PTPRQ: variants seen among roughly 807,000 people sequenced by gnomAD.
PTPRQ encodes the protein protein tyrosine phosphatase receptor type Q, also known as phosphatidylinositol phosphatase PTPRQ.
In PTPRQ, 199 loss-of-function variants were observed where a neutral mutation model predicts 246.0. That is an observed-to-expected ratio of 0.81 (90% CI 0.72 to 0.91). The LOEUF (loss-of-function observed/expected upper bound fraction) is 0.91. Among genes scored for constraint, PTPRQ ranks in the 40% least tolerant of loss-of-function variants. The probability of loss-of-function intolerance (pLI) is 0.00; values close to 1 mark genes in which losing one functional copy is unlikely to be tolerated. For synonymous variants in PTPRQ, 869 were observed against 853.2 expected (o/e 1.02, Z -0.32); for missense variants, 2,624 against 2,528.4 (o/e 1.04, Z -0.81).
intron 8 of PTPRQ, among the ~76,000 whole-genome samples, chr12:80,483,915 C>T (rs900565108): frequency 8.5e-5 from 13 of 152,102 alleles, no homozygotes; most frequent in African/African-American, 3.1e-4. Context: ...GACATGACCT[C>T]ATCCTTTTTT....
In PTPRQ at chr12:80,493,277, T is replaced by C. The variant is rs1265042164; in HGVS notation, c.1362T>C (p.Tyr454=). ...ENTLLTGNNE[Y]INDPMAPEIV... is the part of the protein sequence containing the mutation. ...AAAATATCTACTTTTAATTACAGTA[T>C]ATAAATGACCCCATGGCTCCAGAAA... The change falls in exon 10 of 45, where the codon TAT becomes TAC. Residue 454 remains tyrosine (Y), a splice_region_variant and synonymous_variant. Coordinates refer to ENST00000644991, the MANE Select transcript of PTPRQ (RefSeq NM_001145026.2). The C allele has an allele frequency of 3.9e-6, 6 of 1,520,692 alleles. No homozygotes were observed. In the South Asian group the frequency reaches 7.7e-5, roughly 20 times the overall value. The allele number at this position is 1,520,692 out of a possible 1,614,324, so 94.2% of individuals were successfully genotyped here.
chr12:80,522,491 C>T (rs1895531176), intron 17 of PTPRQ, among the ~76,000 whole-genome samples: 1 of 152,016 alleles, frequency 6.6e-6, no homozygotes, highest in Admixed American at 6.6e-5. Flanking sequence ...ATGATATTGG[C>T]TGTGGGTTTG....
chr12:80,642,056 T>A (rs1899882797), intron 35 of PTPRQ, among the ~76,000 whole-genome samples: 1 of 152,114 alleles, frequency 6.6e-6, no homozygotes, highest in Admixed American at 6.5e-5. Flanking sequence ...CAGTGACTAG[T>A]ACCCTGCTCA....
At chr12:80,514,398 A>ACTCTCTCTCT (rs775868345) in intron 17 of PTPRQ, among the ~76,000 whole-genome samples, 1 of 42,270 alleles carries the variant, frequency 2.4e-5, no homozygotes, top group Admixed American at 2.9e-4. Flanking sequence ...ACACACACAC[A>ACTCTCTCTCT]CACACTCTCT....
chr12:80,575,574 C>A (rs576360509), intron 25 of PTPRQ, among the ~76,000 whole-genome samples: 3 of 151,898 alleles, frequency 2.0e-5, no homozygotes, highest in South Asian at 4.2e-4. Context: ...AAAATGGCAC[C>A]CTCATCCCTG....
chr12:80,608,976 A>G (rs947048949), intron 27 of PTPRQ, among the ~76,000 whole-genome samples: 3 of 150,814 alleles, frequency 2.0e-5, no homozygotes, highest in South Asian at 2.1e-4. Flanking sequence ...ATTTTCTGCC[A>G]GTGGCATATA....
chr12:80,475,128 C>G (rs2120558891), intron 8 of PTPRQ, among the ~76,000 whole-genome samples: 2 of 152,136 alleles, frequency 1.3e-5, no homozygotes, highest in African/African-American at 4.8e-5. Context: ...CATTTCTTCT[C>G]ATAGTTTTTC....
At chr12:80,487,541 A>G (rs1302726408) in intron 9 of PTPRQ, among the ~76,000 whole-genome samples, 1 of 152,120 alleles carries the variant, frequency 6.6e-6, no homozygotes, top group Non-Finnish European at 1.5e-5. Flanking sequence ...GTGAGCATTT[A>G]TGGCATTGAT....
At chr12:80,457,163 G>A (rs1710850791) in intron 3 of PTPRQ, among the ~76,000 whole-genome samples, 1 of 151,800 alleles carries the variant, frequency 6.6e-6, no homozygotes, top group Non-Finnish European at 1.5e-5. Context: ...TTGAGTATTT[G>A]TTTGCCTGAT....
At chr12:80,542,027 A>G (rs1896169183) in intron 21 of PTPRQ, 62 bp from the exon 22 acceptor site, 1 of 1,505,610 alleles carries the variant, frequency 6.6e-7, no homozygotes, top group Non-Finnish European at 8.8e-7. Flanking sequence ...TTATGATTGA[A>G]TCCTCTTTTT....
At position 80,534,035 on chromosome 12, in the gene PTPRQ, C is replaced by G; in HGVS notation, c.2699C>G (p.Thr900Ser). 1 of 1,509,782 alleles carries G rather than the reference C, an allele frequency of 6.6e-7. No individual in the cohort carries two copies. The highest frequency in any genetic ancestry group is 8.9e-7 in the Non-Finnish European group (1 of 1,128,832). 93.5% of individuals were successfully genotyped at this position (1,509,782 alleles called of 1,614,324 possible). The change falls in exon 18 of 45, where the codon ACT (threonine) becomes AGT (serine). Residue 900 changes from threonine to serine, a missense_variant. Transcript: ENST00000644991. The stretch of plus-strand genomic sequence containing the variant: ...CTCAGGAATAGATCATCATTAAAAA[C>G]TATTAATGTCACTGAAACATCATTG... ...VYVWNRSSLKTINVTETSLEL... is the reference protein window; with the variant it reads ...VYVWNRSSLKSINVTETSLEL...
At chr12:80,521,761 A>T (rs962476965) in intron 17 of PTPRQ, among the ~76,000 whole-genome samples, 7 of 152,094 alleles carry the variant, frequency 4.6e-5, no homozygotes, top group African/African-American at 9.7e-5. Flanking sequence ...TTTTGGTTAC[A>T]GTAGCCTTGT....
chr12:80,558,430 A>G (rs774241916), intron 25 of PTPRQ, among the ~76,000 whole-genome samples: 3 of 146,548 alleles, frequency 2.0e-5, no homozygotes, highest in Non-Finnish European at 4.5e-5. Flanking sequence ...GGCCTCCCAA[A>G]GTGCTGGGAT....
chr12:80,518,662 A>T (rs192338601), intron 17 of PTPRQ, among the ~76,000 whole-genome samples: 54 of 152,272 alleles, frequency 3.5e-4, no homozygotes, highest in Non-Finnish European at 6.0e-4. Context: ...TATATGGTGA[A>T]AGATGGAGGT....
rs890771369 is a variant in PTPRQ at position 80,613,520 on chromosome 12, C to A, written c.4919-72C>A. 5 of 1,395,316 alleles carry A rather than the reference C, an allele frequency of 3.6e-6. No homozygotes were observed. In the Admixed American group the frequency reaches 8.3e-5, roughly 23 times the overall value. The allele number at this position is 1,395,316 out of a possible 1,614,324, so 86.4% of individuals were successfully genotyped here. A position where few individuals can be genotyped will look rare whatever the true frequency, so the allele number is the denominator to read the frequency against. On this transcript the variant is annotated intron_variant, in intron 28 of 44. Coordinates refer to ENST00000644991, the MANE Select transcript of PTPRQ (RefSeq NM_001145026.2). ...ACTCTTTAAAAACAGAAGTTCAAAGCAAATAAATTTATGTGGAGATAAAAA... is the reference window on the plus strand; with the variant it reads ...ACTCTTTAAAAACAGAAGTTCAAAGAAAATAAATTTATGTGGAGATAAAAA...
intron 9 of PTPRQ, among the ~76,000 whole-genome samples, chr12:80,489,737 C>T (rs1357420685): frequency 6.6e-6 from 1 of 151,784 alleles, no homozygotes; most frequent in African/African-American, 2.4e-5. Context: ...AAAAAAAAAT[C>T]ATTTCATTGG....
At chr12:80,460,965 T>C in intron 6 of PTPRQ, 63 bp downstream of exon 6, 1 of 397,630 alleles carries the variant, frequency 2.5e-6, no homozygotes, top group Non-Finnish European at 4.4e-6. Context: ...TTAATTTATG[T>C]AGATATTTAA....
chr12:80,598,822 A>G (rs1006306515), intron 26 of PTPRQ, among the ~76,000 whole-genome samples: 5 of 151,960 alleles, frequency 3.3e-5, no homozygotes, highest in Admixed American at 6.6e-5. Context: ...TTGATGTTAA[A>G]CCATATATTC....
intron 25 of PTPRQ, among the ~76,000 whole-genome samples, chr12:80,572,460 A>AT (rs1271162932): frequency 6.6e-6 from 1 of 151,946 alleles, no homozygotes; most frequent in Non-Finnish European, 1.5e-5. Flanking sequence ...AATTAAAAGT[A>AT]TTTTTCTCTC....
Sources: gnomAD v4.1 joint callset for allele counts (sites outside exome capture counted in the v4.1 genomes callset) on GRCh38, gnomAD v4.1.1 for gene constraint, MANE v1.5 for transcripts, NCBI Gene and HGNC (gene_info 2026-07-23, HGNC 2026-07-21) for gene names.